The following PDE8B variants were observed in gnomAD, a reference collection of about 807,000 sequenced individuals.
PDE8B encodes the protein high affinity cAMP-specific and IBMX-insensitive 3',5'-cyclic phosphodiesterase 8B.
PDE8B carries 26 observed loss-of-function variants against 101.3 expected under a neutral mutation model. The observed-to-expected ratio is 0.26, with a 90% CI of 0.19 to 0.36. PDE8B has a LOEUF of 0.36. Ranked by LOEUF, PDE8B falls within the 10% of genes least tolerant of loss-of-function variation. The probability of loss-of-function intolerance (pLI) is 1.00; values close to 1 mark genes in which losing one functional copy is unlikely to be tolerated. For missense variants in PDE8B, 810 were observed against 1,163.1 expected, an observed-to-expected ratio of 0.70 and a Z score of 4.42; for synonymous variants, 424 against 429.3, an observed-to-expected ratio of 0.99 and a Z score of 0.15.
At chr5:77,377,627 A>G (rs1275700142) in intron 10 of PDE8B, among the ~76,000 whole-genome samples, 1 of 152,252 alleles carries the variant, frequency 6.6e-6, no homozygotes, top group Non-Finnish European at 1.5e-5. Flanking sequence ...CCTTTAAAAC[A>G]GTAAAACCTT....
At chr5:77,225,873 C>A (rs1561374901) in intron 1 of PDE8B, among the ~76,000 whole-genome samples, 1 of 143,670 alleles carries the variant, frequency 7.0e-6, no homozygotes, top group African/African-American at 2.7e-5. Context: ...CACACACACA[C>A]ACACACACCC....
At chr5:77,421,553 G>T (rs1796636792) in intron 19 of PDE8B, among the ~76,000 whole-genome samples, 1 of 152,078 alleles carries the variant, frequency 6.6e-6, no homozygotes, top group South Asian at 2.1e-4. Context: ...GGATGTGAGG[G>T]GTAGACAGGT....
chr5:77,291,706 C>T, intron 1 of PDE8B: 1 of 1,594,036 alleles, frequency 6.3e-7, no homozygotes, highest in Non-Finnish European at 8.6e-7. Flanking sequence ...GGCAGGGAAT[C>T]TGGCAGTGAT....
chr5:77,155,191 C>T, the PDE8B span, among the ~76,000 whole-genome samples: 1 of 152,136 alleles, frequency 6.6e-6, no homozygotes. Flanking sequence ...CACACATGTT[C>T]ACCCATGAGT....
chr5:77,245,133 T>C (rs896315003), intron 1 of PDE8B, among the ~76,000 whole-genome samples: 1 of 152,228 alleles, frequency 6.6e-6, no homozygotes, highest in Non-Finnish European at 1.5e-5. Context: ...ATATTTGAGC[T>C]ATGTCTAAGA....
rs772047747 is a variant in PDE8B at position 77,413,169 on chromosome 5, A to C, written c.1771A>C (p.Asn591His). The C allele has an allele frequency of 6.2e-7, 1 of 1,613,994 alleles. No homozygotes were observed. Among genetic ancestry groups the C allele is most frequent in the South Asian group, 1.1e-5 (1 of 91,058 alleles). ...TCGGTTTGGAGTATGTGAATTTTTAAACTGTTCTGAAACCACTCTTCGGGC... is the reference window on the plus strand; with the variant it reads ...TCGGTTTGGAGTATGTGAATTTTTACACTGTTCTGAAACCACTCTTCGGGC... ...FSRFGVCEFLNCSETTLRAWF... is the reference protein window; with the variant it reads ...FSRFGVCEFLHCSETTLRAWF... The change falls in exon 17 of 22, where the codon AAC (asparagine) becomes CAC (histidine). Residue 591 changes from asparagine to histidine, a missense_variant. Physicochemically the swap from Asn to His is moderately conservative, Grantham distance 68. This residue lies in a region of PDE8B where 325 missense variants were observed against 560.9 expected (regional missense o/e 0.58). Coordinates refer to ENST00000264917, the MANE Select transcript of PDE8B (RefSeq NM_003719.5).
At chr5:77,397,026 A>ATTGTTTTTTTTTTTTTTTTTTTT (rs1791208076) in intron 10 of PDE8B, among the ~76,000 whole-genome samples, 1 of 84,420 alleles carries the variant, frequency 1.2e-5, no homozygotes, top group African/African-American at 5.5e-5. Context: ...CCGATAAGAA[A>ATTGTTTTTTTTTTTTTTTTTTTT]TTTTTTTTTT....
rs371738616 is a variant in PDE8B at position 77,415,230 on chromosome 5, A to G, written c.1911+1921A>G. Among the ~76,000 whole-genome samples, 22 of 152,192 alleles carry G rather than the reference A, an allele frequency of 1.4e-4. No individual in the cohort carries two copies. The East Asian group carries it at 1.7e-3, about 12-fold the overall frequency. On this transcript the variant is annotated intron_variant, in intron 17 of 21. Coordinates refer to ENST00000264917, the MANE Select transcript of PDE8B (RefSeq NM_003719.5). ...TGGGTCCATCATGAGGTGCTTCCAG[A>G]AAGATTTACTCCTGAGGCCTCTTCT...
At chr5:77,163,622 C>A in the PDE8B span, among the ~76,000 whole-genome samples, 1 of 152,206 alleles carries the variant, frequency 6.6e-6, no homozygotes, top group African/African-American at 2.4e-5. Context: ...TAAGGAGTTT[C>A]TTTTCCCCAG....
chr5:77,383,037 A>T (rs999748460), intron 10 of PDE8B, among the ~76,000 whole-genome samples: 3 of 152,212 alleles, frequency 2.0e-5, no homozygotes, highest in African/African-American at 7.2e-5. Context: ...TGGTTGAACT[A>T]GTTTACAGTC....
chr5:77,281,131 C>T (rs975211426), intron 1 of PDE8B, among the ~76,000 whole-genome samples: 1 of 152,210 alleles, frequency 6.6e-6, no homozygotes, highest in Admixed American at 6.5e-5. Flanking sequence ...CCCTTCATGA[C>T]ACCACTGCCC....
chr5:77,247,125 G>A (rs1425291720), intron 1 of PDE8B, among the ~76,000 whole-genome samples: 1 of 152,136 alleles, frequency 6.6e-6, no homozygotes, highest in African/African-American at 2.4e-5. Flanking sequence ...ATACAACAGG[G>A]CCCTACTGGC....
At chr5:77,157,312 A>C in the PDE8B span, among the ~76,000 whole-genome samples, 1 of 152,242 alleles carries the variant, frequency 6.6e-6, no homozygotes, top group African/African-American at 2.4e-5. Context: ...GTTGAGACAC[A>C]GGAAGACTGT....
chr5:77,425,999 T>A, intron 21 of PDE8B, 103 bp downstream of exon 21: 1 of 1,227,120 alleles, frequency 8.1e-7, no homozygotes, highest in Non-Finnish European at 1.2e-6. Flanking sequence ...AATATATTTT[T>A]AAAAATGTGG....
the PDE8B span, among the ~76,000 whole-genome samples, chr5:77,179,874 C>T: frequency 6.6e-6 from 1 of 152,114 alleles, no homozygotes; most frequent in Admixed American, 6.5e-5. Flanking sequence ...GTTATTTTCA[C>T]ATTCATTCTT....
chr5:77,264,762 C>A (rs1382991180), intron 1 of PDE8B, among the ~76,000 whole-genome samples: 1 of 152,112 alleles, frequency 6.6e-6, no homozygotes, highest in African/African-American at 2.4e-5. Flanking sequence ...TCTTTAAAAT[C>A]ATTTTTACAG....
intron 10 of PDE8B, among the ~76,000 whole-genome samples, chr5:77,385,321 C>T (rs1788322994): frequency 6.6e-6 from 1 of 151,908 alleles, no homozygotes; most frequent in Admixed American, 6.6e-5. Context: ...ATGGTGATAC[C>T]CCTTTATGAT....
At chr5:77,357,096 T>G (rs1782250285) in intron 10 of PDE8B, among the ~76,000 whole-genome samples, 1 of 152,178 alleles carries the variant, frequency 6.6e-6, no homozygotes, top group African/African-American at 2.4e-5. Context: ...GCAGGGCCCC[T>G]TTCAATCATT....
chr5:77,160,202 C>G, the PDE8B span, among the ~76,000 whole-genome samples: 3 of 152,110 alleles, frequency 2.0e-5, no homozygotes, highest in Non-Finnish European at 4.4e-5. Context: ...GCCTTTTTCT[C>G]TCTGCCTTCC....
Sources: allele counts gnomAD v4.1 joint callset (sites outside exome capture counted in the v4.1 genomes callset), GRCh38; gene constraint gnomAD v4.1.1; regional missense constraint gnomAD v4.1.1; transcripts MANE v1.5; gene names NCBI Gene and HGNC (gene_info 2026-07-23, HGNC 2026-07-21).